The following CCDC192 variants were observed in gnomAD, a reference collection of about 807,000 sequenced individuals.
CCDC192 encodes coiled-coil domain containing 192.
At chr5:127,758,245 G>A (rs1754723507) in intron 3 of CCDC192, among the ~76,000 whole-genome samples, 1 of 152,066 alleles carries the variant, frequency 6.6e-6, no homozygotes, top group African/African-American at 2.4e-5. Context: ...TGCAAACTGG[G>A]CATTTCTAAG....
chr5:127,923,122 A>G (rs571541318), intron 6 of CCDC192, among the ~76,000 whole-genome samples: 24 of 152,328 alleles, frequency 1.6e-4, no homozygotes, highest in Admixed American at 7.8e-4. Context: ...TCTGGAGCCA[A>G]TACATTTTCT....
At chr5:127,726,149 TA>T (rs1197941439) in intron 2 of CCDC192, among the ~76,000 whole-genome samples, 8 of 152,100 alleles carry the variant, frequency 5.3e-5, no homozygotes, top group African/African-American at 1.9e-4. Flanking sequence ...AATTGCAAGA[TA>T]GAATAAATTT....
intron 5 of CCDC192, among the ~76,000 whole-genome samples, chr5:127,852,094 C>T (rs1048761657): frequency 6.6e-6 from 1 of 152,154 alleles, no homozygotes; most frequent in African/African-American, 2.4e-5. Context: ...TTATTTTGTG[C>T]TCAAAATGTT....
At chr5:127,708,725 T>TG (rs1441055704) in intron 2 of CCDC192, among the ~76,000 whole-genome samples, 4 of 152,160 alleles carry the variant, frequency 2.6e-5, no homozygotes, top group Non-Finnish European at 2.9e-5. Flanking sequence ...ATAAGATTTT[T>TG]GGGATGTGAA....
intron 5 of CCDC192, among the ~76,000 whole-genome samples, chr5:127,822,270 A>G (rs1239243833): frequency 1.3e-5 from 2 of 152,192 alleles, no homozygotes; most frequent in Admixed American, 6.5e-5. Flanking sequence ...AGCCTTTTCT[A>G]TTTCTCATCC....
At chr5:127,918,451 T>C (rs974555701) in intron 6 of CCDC192, among the ~76,000 whole-genome samples, 2 of 152,022 alleles carry the variant, frequency 1.3e-5, no homozygotes, top group African/African-American at 4.8e-5. Context: ...TCCTTGAGAG[T>C]AGGGACTGGT....
intron 6 of CCDC192, among the ~76,000 whole-genome samples, chr5:127,938,144 T>C (rs1294699711): frequency 3.3e-5 from 5 of 152,172 alleles, no homozygotes; most frequent in South Asian, 2.1e-4. Context: ...CAGTTTCTTA[T>C]GTAGTTTAAG....
chr5:127,876,917 A>C (rs550114312), intron 6 of CCDC192, among the ~76,000 whole-genome samples: 2 of 152,236 alleles, frequency 1.3e-5, no homozygotes, highest in African/African-American at 2.4e-5. Flanking sequence ...ATGAAACAAC[A>C]TAAAGGCAGT....
At chr5:127,910,874 C>A (rs894161632) in intron 6 of CCDC192, among the ~76,000 whole-genome samples, 1 of 151,964 alleles carries the variant, frequency 6.6e-6, no homozygotes, top group Admixed American at 6.6e-5. Context: ...TTTCTGGGAG[C>A]CTAATTTAGC....
At chr5:127,764,754 C>CA (rs1305174951) in intron 3 of CCDC192, among the ~76,000 whole-genome samples, 9 of 152,026 alleles carry the variant, frequency 5.9e-5, no homozygotes. Context: ...AAAAAATTCA[C>CA]AAAAAACCTC....
At chr5:127,735,459 T>A (rs77446749) in intron 2 of CCDC192, among the ~76,000 whole-genome samples, 3 of 132,798 alleles carry the variant, frequency 2.3e-5, no homozygotes, top group Non-Finnish European at 4.8e-5. Context: ...TTCCAATTCT[T>A]TGAAGAAAGT....
intron 6 of CCDC192, among the ~76,000 whole-genome samples, chr5:127,928,978 G>A (rs1753943995): frequency 6.6e-6 from 1 of 151,962 alleles, no homozygotes; most frequent in Admixed American, 6.6e-5. Context: ...GGCTGGCCAG[G>A]CTGGTCTTGA....
intron 5 of CCDC192, among the ~76,000 whole-genome samples, chr5:127,862,928 T>TAA (rs34046354): frequency 1.5e-5 from 2 of 134,314 alleles, no homozygotes; most frequent in Non-Finnish European, 3.2e-5. Flanking sequence ...TTCCTTTATT[T>TAA]AAAAAAAAAA....
At chr5:127,895,447 T>C (rs964815936) in intron 6 of CCDC192, among the ~76,000 whole-genome samples, 1 of 152,146 alleles carries the variant, frequency 6.6e-6, no homozygotes, top group Non-Finnish European at 1.5e-5. Flanking sequence ...TATCAGAAAG[T>C]CTTGAATGAT....
At chr5:127,927,932 T>C (rs1580836272) in intron 6 of CCDC192, among the ~76,000 whole-genome samples, 1 of 150,514 alleles carries the variant, frequency 6.6e-6, no homozygotes, top group Non-Finnish European at 1.5e-5. Context: ...TGTGATCTTA[T>C]AGTTCTTTTT....
chr5:127,718,305 C>CA (rs1430889417), intron 2 of CCDC192, among the ~76,000 whole-genome samples: 1 of 152,146 alleles, frequency 6.6e-6, no homozygotes, highest in Non-Finnish European at 1.5e-5. Context: ...TGTTTACAGA[C>CA]AGAATGTTTT....
chr5:127,738,961 G>C (rs1378372213), intron 2 of CCDC192, among the ~76,000 whole-genome samples: 4 of 151,778 alleles, frequency 2.6e-5, no homozygotes, highest in African/African-American at 9.7e-5. Flanking sequence ...GCTTTGTTCC[G>C]TTGCTGGTGA....
intron 6 of CCDC192, among the ~76,000 whole-genome samples, chr5:127,885,646 G>C (rs1049919940): frequency 1.2e-4 from 19 of 152,274 alleles, no homozygotes; most frequent in African/African-American, 4.3e-4. Context: ...GGAAAGAGTA[G>C]ATACTTCTAG....
At chr5:127,918,655 A>C (rs1753599813) in intron 6 of CCDC192, among the ~76,000 whole-genome samples, 1 of 152,212 alleles carries the variant, frequency 6.6e-6, no homozygotes, top group Admixed American at 6.5e-5. Flanking sequence ...TTAGTAAATC[A>C]AACTTTTATA....
Sources: allele counts gnomAD v4.1 joint callset (sites outside exome capture counted in the v4.1 genomes callset), GRCh38; gene constraint gnomAD v4.1.1; transcripts MANE v1.5; gene names NCBI Gene and HGNC (gene_info 2026-07-23, HGNC 2026-07-21).